The following CSMD1 variants were observed in gnomAD, a reference collection of about 807,000 sequenced individuals.
CSMD1 encodes the protein CUB and sushi domain-containing protein 1.
Under a neutral mutation model 417.5 loss-of-function variants are expected in CSMD1, and 213 were observed. The ratio of observed to expected loss-of-function variants is 0.51; its 90% confidence interval spans 0.46 to 0.57. CSMD1 has a LOEUF of 0.57. Ranked by LOEUF, CSMD1 falls within the 20% of genes least tolerant of loss-of-function variation. The probability of loss-of-function intolerance (pLI) is 0.00; values close to 1 mark genes in which losing one functional copy is unlikely to be tolerated. For synonymous variants in CSMD1, 2,862 were observed against 1,736.8 expected (o/e 1.65, Z -16.11); for missense variants, 6,923 against 4,529.7 (o/e 1.53, Z -15.17).
At chr8:3,393,223 G>C (rs1483397209) in intron 17 of CSMD1, among the ~76,000 whole-genome samples, 1 of 152,176 alleles carries the variant, frequency 6.6e-6, no homozygotes, top group Non-Finnish European at 1.5e-5. Context: ...TGTGTTTAGA[G>C]CAGTGAGCCT....
chr8:3,598,451 T>C (rs1801196791), intron 8 of CSMD1: 1 of 152,246 alleles, frequency 6.6e-6, no homozygotes, highest in Admixed American at 6.5e-5. Context: ...CACAGGCTCT[T>C]CTTCCTTCTG....
chr8:4,154,459 G>A (rs992818615), intron 3 of CSMD1, among the ~76,000 whole-genome samples: 11 of 152,094 alleles, frequency 7.2e-5, no homozygotes. Flanking sequence ...AAATCAATGG[G>A]TATCTGTGGA....
chr8:4,080,981 G>C (rs13259971), intron 3 of CSMD1, among the ~76,000 whole-genome samples: 2 of 152,082 alleles, frequency 1.3e-5, no homozygotes, highest in Non-Finnish European at 1.5e-5. Context: ...CCTTATACAA[G>C]AGGCTTCACA....
chr8:3,901,920 G>C (rs898681985), intron 5 of CSMD1, among the ~76,000 whole-genome samples: 4 of 152,262 alleles, frequency 2.6e-5, no homozygotes, highest in Admixed American at 6.5e-5. Flanking sequence ...CATGATGTGT[G>C]ACTATGAACA....
At chr8:3,325,883 G>A (rs1042083354) in intron 23 of CSMD1, among the ~76,000 whole-genome samples, 7 of 152,068 alleles carry the variant, frequency 4.6e-5, no homozygotes, top group Admixed American at 6.6e-5. Flanking sequence ...ATAACAATGT[G>A]AATCCACTAT....
chr8:3,786,050 G>A (rs746879055), intron 5 of CSMD1, among the ~76,000 whole-genome samples: 12 of 152,130 alleles, frequency 7.9e-5, no homozygotes, highest in Non-Finnish European at 1.3e-4. Flanking sequence ...AAGAAGTGAT[G>A]TTTGGGAGGT....
intron 2 of CSMD1, among the ~76,000 whole-genome samples, chr8:4,452,289 A>C (rs141014745): frequency 6.6e-6 from 1 of 152,184 alleles, no homozygotes; most frequent in East Asian, 1.9e-4. Flanking sequence ...GACTTGTCTT[A>C]ACAACTATTT....
chr8:4,703,193 T>A (rs1807695671), intron 1 of CSMD1, among the ~76,000 whole-genome samples: 1 of 152,190 alleles, frequency 6.6e-6, no homozygotes, highest in Admixed American at 6.5e-5. Flanking sequence ...CTTTACAAAA[T>A]TCAGTGGATG....
intron 25 of CSMD1, among the ~76,000 whole-genome samples, chr8:3,294,940 C>A (rs975702153): frequency 6.6e-6 from 1 of 152,030 alleles, no homozygotes; most frequent in African/African-American, 2.4e-5. Flanking sequence ...TAGACTGGAG[C>A]TGTTCCTATT....
chr8:4,443,384 G>C, intron 2 of CSMD1, among the ~76,000 whole-genome samples: 1 of 152,214 alleles, frequency 6.6e-6, no homozygotes, highest in East Asian at 1.9e-4. Context: ...GATAACAAAG[G>C]CAACAAAACA....
At chr8:4,808,459 G>A (rs569432430) in intron 1 of CSMD1, among the ~76,000 whole-genome samples, 5 of 152,282 alleles carry the variant, frequency 3.3e-5, no homozygotes, top group Admixed American at 6.5e-5. Context: ...TAACTTACTT[G>A]AAGCTTGTAT....
chr8:3,405,263 A>C (rs1393976231), intron 15 of CSMD1, among the ~76,000 whole-genome samples: 1 of 152,190 alleles, frequency 6.6e-6, no homozygotes, highest in African/African-American at 2.4e-5. Context: ...TTCTTAGCTT[A>C]TTGCGCACTG....
intron 2 of CSMD1, among the ~76,000 whole-genome samples, chr8:4,618,383 T>C (rs1347629193): frequency 1.3e-5 from 2 of 152,076 alleles, no homozygotes; most frequent in East Asian, 1.9e-4. Flanking sequence ...ACAGTTTACT[T>C]TGCAGAAATA....
intron 18 of CSMD1, among the ~76,000 whole-genome samples, chr8:3,382,288 G>C (rs1035859676): frequency 6.7e-5 from 10 of 149,350 alleles, no homozygotes; most frequent in Non-Finnish European, 1.2e-4. Context: ...GTCAGCACTG[G>C]AATATTTTTT....
chr8:3,706,401 A>C (rs1455350427), intron 7 of CSMD1, among the ~76,000 whole-genome samples: 1 of 152,124 alleles, frequency 6.6e-6, no homozygotes, highest in Non-Finnish European at 1.5e-5. Context: ...CTTTCTTTGG[A>C]ATGACACATT....
At chr8:3,043,082 A>G (rs1308360896) in intron 50 of CSMD1, among the ~76,000 whole-genome samples, 1 of 151,378 alleles carries the variant, frequency 6.6e-6, no homozygotes, top group Non-Finnish European at 1.5e-5. Context: ...TGCATATAGT[A>G]CATGTAAACC....
At chr8:4,401,222 T>C (rs990182471) in intron 3 of CSMD1, among the ~76,000 whole-genome samples, 3 of 152,154 alleles carry the variant, frequency 2.0e-5, no homozygotes, top group African/African-American at 2.4e-5. Context: ...AATAACTTAA[T>C]GAATTTCAGC....
intron 4 of CSMD1, among the ~76,000 whole-genome samples, chr8:3,998,927 T>C (rs939313341): frequency 2.7e-5 from 4 of 148,898 alleles, no homozygotes; most frequent in Admixed American, 2.0e-4. Flanking sequence ...ACAAACTATA[T>C]AGTAGTTTAT....
At chr8:4,651,147 T>C (rs1054187917) in intron 1 of CSMD1, among the ~76,000 whole-genome samples, 3 of 152,136 alleles carry the variant, frequency 2.0e-5, no homozygotes, top group African/African-American at 7.2e-5. Context: ...AGTACTATAG[T>C]TTCAACTGAG....
Sources: allele counts gnomAD v4.1 joint callset (sites outside exome capture counted in the v4.1 genomes callset), GRCh38; gene constraint gnomAD v4.1.1; transcripts MANE v1.5; gene names NCBI Gene and HGNC (gene_info 2026-07-23, HGNC 2026-07-21).